ENOX1: variants seen among roughly 807,000 people sequenced by gnomAD.
ENOX1 encodes the protein candidate growth-related and time keeping constitutive hydroquinone (NADH) oxidase.
ENOX1 carries 42 observed loss-of-function variants against 82.5 expected under a neutral mutation model. The ratio of observed to expected loss-of-function variants is 0.51; its 90% CI spans 0.40 to 0.66. The LOEUF (loss-of-function observed/expected upper bound fraction) is 0.66, where lower values mean the gene tolerates loss of function less well. Ranked by LOEUF, ENOX1 falls within the 30% of genes least tolerant of loss-of-function variation. The pLI is 0.00. For missense variants in ENOX1, 608 were observed against 811.6 expected, an observed-to-expected ratio of 0.75 and a Z score of 3.05; for synonymous variants, 271 against 282.2, an observed-to-expected ratio of 0.96 and a Z score of 0.40.
chr13:43,755,002 G>A (rs1413122008), intron 1 of ENOX1, among the ~76,000 whole-genome samples: 1 of 151,252 alleles, frequency 6.6e-6, no homozygotes, highest in Non-Finnish European at 1.5e-5. Flanking sequence ...TTGCTGCATT[G>A]ATTCTCCACA....
chr13:43,417,152 C>T (rs934972463), intron 3 of ENOX1, among the ~76,000 whole-genome samples: 2 of 149,774 alleles, frequency 1.3e-5, no homozygotes, highest in African/African-American at 4.9e-5. Flanking sequence ...GAGGTTGCAG[C>T]GAGCTGAGAT....
intron 14 of ENOX1, among the ~76,000 whole-genome samples, chr13:43,254,511 C>A (rs2043637013): frequency 6.6e-6 from 1 of 152,028 alleles, no homozygotes; most frequent in African/African-American, 2.4e-5. Context: ...TCCTAAATTC[C>A]AATCAAGTAC....
At chr13:43,250,478 A>C (rs563737573) in intron 14 of ENOX1, among the ~76,000 whole-genome samples, 2 of 152,344 alleles carry the variant, frequency 1.3e-5, no homozygotes, top group South Asian at 4.1e-4. Context: ...AGGAGCGGCT[A>C]GTTATGGGTC....
chr13:43,650,528 C>G (rs2084110688), intron 2 of ENOX1, among the ~76,000 whole-genome samples: 1 of 152,098 alleles, frequency 6.6e-6, no homozygotes, highest in Admixed American at 6.5e-5. Flanking sequence ...AGAACCACTG[C>G]CCCTGGGACT....
intron 14 of ENOX1, among the ~76,000 whole-genome samples, chr13:43,256,951 T>TAC (rs1555297775): frequency 6.6e-6 from 1 of 152,204 alleles, no homozygotes; most frequent in African/African-American, 2.4e-5. Flanking sequence ...TATATATATA[T>TAC]ACACACAATG....
intron 2 of ENOX1, among the ~76,000 whole-genome samples, chr13:43,502,776 C>T (rs776737085): frequency 6.6e-6 from 1 of 151,442 alleles, no homozygotes; most frequent in Non-Finnish European, 1.5e-5. Flanking sequence ...ACTGAAAGAT[C>T]TTATTGAATC....
intron 2 of ENOX1, among the ~76,000 whole-genome samples, chr13:43,622,802 G>A (rs974528747): frequency 2.0e-5 from 3 of 152,042 alleles, no homozygotes; most frequent in Non-Finnish European, 2.9e-5. Context: ...TGGGTGGTGG[G>A]GTGGGGTCCT....
intron 5 of ENOX1, among the ~76,000 whole-genome samples, chr13:43,410,725 A>G (rs535116313): frequency 6.6e-6 from 1 of 152,296 alleles, no homozygotes; most frequent in African/African-American, 2.4e-5. Context: ...CAAAAAACAA[A>G]TGCTTGGTCA....
At chr13:43,311,836 A>T (rs567259501) in intron 11 of ENOX1, among the ~76,000 whole-genome samples, 13 of 152,356 alleles carry the variant, frequency 8.5e-5, no homozygotes, top group African/African-American at 2.9e-4. Context: ...GCTTTGTATT[A>T]TGACATTGTT....
Position 43,688,093 on chromosome 13 carries a change from C to T in ENOX1, c.-284-20549G>A, listed in dbSNP as rs116933617. Among the ~76,000 whole-genome samples the T allele has an allele frequency of 8.5e-3, 1,296 of 152,112 alleles. 6 individuals carry two copies. The highest frequency in any genetic ancestry group is 0.014 in the Non-Finnish European group (982 of 67,976). On this transcript the variant is annotated intron_variant, in intron 1 of 16. Transcript: ENST00000690772. ...CCCTTATCCTAAGGGCAATGGGAAG[C>T]CTTTGGAGGATTTTAACCAAGGTAG...
chr13:43,764,590 A>G (rs574897756), intron 1 of ENOX1, among the ~76,000 whole-genome samples: 2 of 152,210 alleles, frequency 1.3e-5, no homozygotes, highest in East Asian at 3.9e-4. Flanking sequence ...CAACTTTAGA[A>G]GATTATTTTC....
chr13:43,339,048 T>G (rs1018487229), intron 9 of ENOX1, among the ~76,000 whole-genome samples: 36 of 152,196 alleles, frequency 2.4e-4, no homozygotes, highest in African/African-American at 9.6e-5. Flanking sequence ...AAACAATGAC[T>G]GTTTGATATT....
intron 2 of ENOX1, among the ~76,000 whole-genome samples, chr13:43,614,978 G>A (rs1468102763): frequency 6.6e-6 from 1 of 152,160 alleles, no homozygotes; most frequent in Non-Finnish European, 1.5e-5. Context: ...ATTAAAGTTT[G>A]AGGAGCCTTG....
chr13:43,342,166 T>C (rs144431363), intron 9 of ENOX1, among the ~76,000 whole-genome samples: 1 of 152,320 alleles, frequency 6.6e-6, no homozygotes, highest in East Asian at 1.9e-4. Flanking sequence ...CATCTTCTAC[T>C]TGTTTCAGAT....
At chr13:43,351,794 T>C (rs967538838) in intron 8 of ENOX1, among the ~76,000 whole-genome samples, 3 of 151,676 alleles carry the variant, frequency 2.0e-5, no homozygotes, top group Non-Finnish European at 4.4e-5. Flanking sequence ...CCATGGTGTA[T>C]ATGTGCCACA....
At chr13:43,524,130 A>C (rs184740455) in intron 2 of ENOX1, among the ~76,000 whole-genome samples, 3 of 152,276 alleles carry the variant, frequency 2.0e-5, no homozygotes, top group African/African-American at 7.2e-5. Context: ...CCTAGCCTTC[A>C]GACCCCTTTA....
intron 1 of ENOX1, among the ~76,000 whole-genome samples, chr13:43,761,018 T>C (rs969030795): frequency 1.3e-5 from 2 of 152,086 alleles, no homozygotes; most frequent in African/African-American, 4.8e-5. Flanking sequence ...TCCTGGGATA[T>C]GAAAAAGGCA....
At chr13:43,438,446 A>C (rs1032101960) in intron 3 of ENOX1, among the ~76,000 whole-genome samples, 1 of 152,196 alleles carries the variant, frequency 6.6e-6, no homozygotes, top group African/African-American at 2.4e-5. Flanking sequence ...TGAGGGCCCA[A>C]GAAGGTAACA....
chr13:43,471,809 CAA>C lies in ENOX1; in HGVS notation c.-75+12198_-75+12199del, dbSNP rs5803181. ...TGGGTGACAGAGCGAGACTCCGTCT[CAA>C]AAAAAAAAAAAAAAAAAAGAAAGAA... On this transcript the variant is annotated intron_variant, in intron 3 of 16. Coordinates refer to ENST00000690772, the MANE Select transcript of ENOX1 (RefSeq NM_001347969.2). 1.5e-4 allele frequency among the ~76,000 whole-genome samples: 19 copies of C among 124,544 alleles called. No homozygotes were observed. The East Asian group carries it at 3.4e-3, about 22-fold the overall frequency. 81.7% of individuals were successfully genotyped at this position (124,544 alleles called of 152,430 possible).
Sources: allele counts gnomAD v4.1 joint callset (sites outside exome capture counted in the v4.1 genomes callset), GRCh38; gene constraint gnomAD v4.1.1; transcripts MANE v1.5; gene names NCBI Gene and HGNC (gene_info 2026-07-23, HGNC 2026-07-21).